SGCZ: variants seen among roughly 807,000 people sequenced by gnomAD.
SGCZ encodes zeta-sarcoglycan.
Under a neutral mutation model 41.3 loss-of-function variants are expected in SGCZ, and 40 were observed. The observed-to-expected ratio is 0.97, with a 90% CI of 0.75 to 1.26. SGCZ has a LOEUF of 1.26. Ranked by LOEUF, SGCZ falls within the 50% of genes most tolerant of loss-of-function variation. SGCZ has a pLI of 0.00. For synonymous variants in SGCZ, 206 were observed against 137.5 expected (o/e 1.50, Z -3.49); for missense variants, 552 against 369.8 (o/e 1.49, Z -4.04).
At chr8:14,226,851 C>A (rs1292700377) in intron 4 of SGCZ, among the ~76,000 whole-genome samples, 2 of 152,038 alleles carry the variant, frequency 1.3e-5, no homozygotes, top group Non-Finnish European at 2.9e-5. Context: ...AGCTTTGTAT[C>A]CAATCTAACA....
intron 1 of SGCZ, among the ~76,000 whole-genome samples, chr8:14,903,086 G>A (rs148362502): frequency 9.9e-5 from 15 of 152,152 alleles, no homozygotes; most frequent in Admixed American, 2.6e-4. Flanking sequence ...TCCAGTTAAC[G>A]AGGCAGAGGG....
chr8:14,684,509 C>T (rs565547046), intron 1 of SGCZ, among the ~76,000 whole-genome samples: 44 of 152,116 alleles, frequency 2.9e-4, no homozygotes, highest in Middle Eastern at 6.3e-3. Context: ...GCTCTTAAAG[C>T]TGCTGGAGTT....
intron 1 of SGCZ, among the ~76,000 whole-genome samples, chr8:14,880,916 G>T (rs559855376): frequency 6.6e-6 from 1 of 151,810 alleles, no homozygotes; most frequent in Non-Finnish European, 1.5e-5. Context: ...TAACAAACCT[G>T]CATGTTGTGC....
At chr8:15,198,808 C>A (rs941991501) in intron 1 of SGCZ, among the ~76,000 whole-genome samples, 3 of 152,152 alleles carry the variant, frequency 2.0e-5, no homozygotes, top group African/African-American at 7.2e-5. Flanking sequence ...AGTTACAGGG[C>A]TTCAAGCCTC....
At chr8:14,970,361 T>C (rs1277845490) in intron 1 of SGCZ, among the ~76,000 whole-genome samples, 1 of 152,138 alleles carries the variant, frequency 6.6e-6, no homozygotes, top group African/African-American at 2.4e-5. Flanking sequence ...AATAATTTGC[T>C]CCTTGGTAGA....
intron 2 of SGCZ, among the ~76,000 whole-genome samples, chr8:14,360,121 A>G (rs1040318975): frequency 2.0e-5 from 3 of 152,194 alleles, no homozygotes; most frequent in African/African-American, 7.2e-5. Context: ...TCAACATAAT[A>G]AAAAGCCACG....
chr8:15,186,172 G>C (rs1800334042), intron 1 of SGCZ, among the ~76,000 whole-genome samples: 1 of 146,986 alleles, frequency 6.8e-6, no homozygotes, highest in African/African-American at 2.5e-5. Context: ...TGAGCCAGGA[G>C]AATGGCATGA....
At chr8:15,050,163 T>A (rs982508969) in intron 1 of SGCZ, among the ~76,000 whole-genome samples, 8 of 152,126 alleles carry the variant, frequency 5.3e-5, no homozygotes, top group African/African-American at 1.9e-4. Flanking sequence ...CAGAAAATGA[T>A]AAACAATAGT....
At chr8:15,221,205 C>A (rs899901190) in intron 1 of SGCZ, among the ~76,000 whole-genome samples, 37 of 152,024 alleles carry the variant, frequency 2.4e-4, no homozygotes, top group Non-Finnish European at 5.9e-5. Context: ...TCTAAGAAGT[C>A]AAAATCAACA....
At chr8:14,353,990 T>C (rs1275300884) in intron 2 of SGCZ, among the ~76,000 whole-genome samples, 1 of 152,098 alleles carries the variant, frequency 6.6e-6, no homozygotes, top group Non-Finnish European at 1.5e-5. Context: ...AAGTAGACCC[T>C]GAATCTGAAA....
At chr8:14,573,835 A>C (rs1804631505) in intron 1 of SGCZ, among the ~76,000 whole-genome samples, 1 of 152,188 alleles carries the variant, frequency 6.6e-6, no homozygotes, top group African/African-American at 2.4e-5. Context: ...CACCATAAAT[A>C]AGAAATGGAA....
At chr8:14,478,802 C>G (rs1801437379) in intron 2 of SGCZ, among the ~76,000 whole-genome samples, 4 of 152,110 alleles carry the variant, frequency 2.6e-5, no homozygotes, top group Admixed American at 2.0e-4. Context: ...TTTATTTTCT[C>G]TACTTCCCAT....
chr8:15,210,765 C>T (rs767132029), intron 1 of SGCZ, among the ~76,000 whole-genome samples: 5 of 152,150 alleles, frequency 3.3e-5, no homozygotes, highest in African/African-American at 4.8e-5. Flanking sequence ...TGCACCTCCT[C>T]TAGCTCTTAA....
chr8:14,825,483 T>C (rs1802270974), intron 1 of SGCZ, among the ~76,000 whole-genome samples: 1 of 152,226 alleles, frequency 6.6e-6, no homozygotes, highest in Non-Finnish European at 1.5e-5. Flanking sequence ...ATGGCATTAT[T>C]TAATAATTTT....
chr8:14,246,772 T>A (rs1175661280), intron 3 of SGCZ, among the ~76,000 whole-genome samples: 1 of 150,798 alleles, frequency 6.6e-6, no homozygotes, highest in Non-Finnish European at 1.5e-5. Context: ...TAGCCAGTCA[T>A]AGTGGCGGGC....
At chr8:14,888,432 T>A (rs1017420828) in intron 1 of SGCZ, among the ~76,000 whole-genome samples, 3 of 152,124 alleles carry the variant, frequency 2.0e-5, no homozygotes, top group Admixed American at 6.5e-5. Context: ...TTTCAAAGAA[T>A]TGCCTGATCA....
intron 1 of SGCZ, among the ~76,000 whole-genome samples, chr8:15,160,664 G>C (rs948469599): frequency 6.6e-6 from 1 of 152,098 alleles, no homozygotes; most frequent in African/African-American, 2.4e-5. Flanking sequence ...CATTAAAGCA[G>C]ACATCTCCAC....
At chr8:14,604,849 T>C (rs1230599510) in intron 1 of SGCZ, among the ~76,000 whole-genome samples, 2 of 152,184 alleles carry the variant, frequency 1.3e-5, no homozygotes, top group Admixed American at 6.5e-5. Context: ...CCTCCTTATA[T>C]TGGAATAAGA....
At chr8:15,190,561 G>A (rs543511448) in intron 1 of SGCZ, among the ~76,000 whole-genome samples, 28 of 152,096 alleles carry the variant, frequency 1.8e-4, no homozygotes, top group Non-Finnish European at 3.8e-4. Context: ...TGTTTCACAA[G>A]TCAGAGTTCT....
Sources: allele counts gnomAD v4.1 joint callset (sites outside exome capture counted in the v4.1 genomes callset), GRCh38; gene constraint gnomAD v4.1.1; transcripts MANE v1.5; gene names NCBI Gene and HGNC (gene_info 2026-07-23, HGNC 2026-07-21).